Variants in KCNQ1 observed in about 807,000 individuals in gnomAD.
KCNQ1 encodes the protein potassium voltage-gated channel subfamily Q member 1, also known as potassium voltage-gated channel subfamily KQT member 1.
Under a neutral mutation model 72.4 loss-of-function variants are expected in KCNQ1, and 49 were observed. The ratio of observed to expected loss-of-function variants is 0.68; its 90% CI spans 0.54 to 0.86. The LOEUF (loss-of-function observed/expected upper bound fraction) is 0.86. KCNQ1 is among the 40% of genes least tolerant of loss of function. The probability of loss-of-function intolerance (pLI) is 0.00; values close to 1 mark genes in which losing one functional copy is unlikely to be tolerated. For missense variants in KCNQ1, 790 were observed against 945.1 expected (o/e 0.84, Z 2.15); for synonymous variants, 450 against 412.6 (o/e 1.09, Z -1.10).
At position 2,550,174 on chromosome 11, in the gene KCNQ1, G is replaced by C. The variant is rs1037258361; in HGVS notation, c.478-20454G>C. Among the ~76,000 whole-genome samples the C allele has an allele frequency of 2.9e-4, 44 of 152,232 alleles. No homozygotes were observed. The highest frequency in any genetic ancestry group is 2.4e-3 in the Admixed American group (37 of 15,286). ...CCCGGCCTGGATGGACATCCCGCAGGCAGTGCACGTCCCTCCCCCGCCTCT... is the reference window on the plus strand; with the variant it reads ...CCCGGCCTGGATGGACATCCCGCAGCCAGTGCACGTCCCTCCCCCGCCTCT... On this transcript the variant is annotated intron_variant, in intron 2 of 15. Transcript: ENST00000155840. The surrounding 1 kb of genome is among the most constrained non-coding windows in gnomAD (Gnocchi z 6.0).
At position 2,724,261 on chromosome 11, in the gene KCNQ1, G is replaced by A. The variant is rs565284410; in HGVS notation, c.1515-44583G>A. Among the ~76,000 whole-genome samples, 9 of 152,258 alleles carry A rather than the reference G, an allele frequency of 5.9e-5. No individual in the cohort carries two copies. The highest frequency in any genetic ancestry group is 7.4e-5 in the Non-Finnish European group (5 of 68,020). ...GGACCCCTTTGCGGTGTCACCTTTC[G>A]GCATGTAACCACTTATTCTGTCAGG... On this transcript the variant is annotated intron_variant, in intron 11 of 15. Coordinates refer to ENST00000155840, the MANE Select transcript of KCNQ1 (RefSeq NM_000218.3). This position sits in a 1 kb window ranked among gnomAD's most constrained non-coding sequence, Gnocchi z 6.8.
At chr11:2,519,947 G>A (rs1847352658) in intron 1 of KCNQ1, among the ~76,000 whole-genome samples, 2 of 152,218 alleles carry the variant, frequency 1.3e-5, no homozygotes, top group African/African-American at 4.8e-5. Context: ...CAACAAAGGA[G>A]GATCCGGCCA....
At position 2,588,890 on chromosome 11, in the gene KCNQ1, C is replaced by G. The variant is rs143203529; in HGVS notation, c.1393+36C>G. 22 of 1,607,668 alleles carry G rather than the reference C, an allele frequency of 1.4e-5. 1 individual carries two copies. Among genetic ancestry groups the G allele is most frequent in the South Asian group, 3.3e-5 (3 of 90,588 alleles). ...CTCAGGCAGTTGGGGGCCGCGGGGC[C>G]GGGAAGGTCACTGCCTTTTTTGGGA... On this transcript the variant is annotated intron_variant, in intron 10 of 15. Transcript: ENST00000155840. The surrounding 1 kb of genome is among the most constrained non-coding windows in gnomAD (Gnocchi z 5.6).
Position 2,791,029 on chromosome 11 carries a change from C to CA in KCNQ1, c.1794+12993dup, listed in dbSNP as rs1179042938. Among the ~76,000 whole-genome samples the CA allele has an allele frequency of 3.3e-5, 5 of 152,354 alleles. No individual in the cohort carries two copies. In the East Asian group the frequency reaches 9.7e-4, roughly 29 times the overall value. On this transcript the variant is annotated intron_variant, in intron 15 of 15. Transcript: ENST00000155840. ...TCTCTCTTAGCCTGCCTGTGGGGGACAGTTGCCACCCTCAAGCCTCTCCTG... is the reference window on the plus strand; with the variant it reads ...TCTCTCTTAGCCTGCCTGTGGGGGACAAGTTGCCACCCTCAAGCCTCTCCTG...
rs1420374300 is a variant in KCNQ1 at position 2,493,566 on chromosome 11, A to G, written c.387-34362A>G. 6.6e-6 allele frequency among the ~76,000 whole-genome samples: 1 copy of G among 152,216 alleles called. No individual in the cohort carries two copies. The highest frequency in any genetic ancestry group is 1.9e-4 in the East Asian group (1 of 5,190). Reference sequence around the variant, plus strand: ...GGGGTCCAGTTTCTGTTTTCTGCATATGACTAGCCAGTTTTCCCAGCACCA... The same window carrying G: ...GGGGTCCAGTTTCTGTTTTCTGCATGTGACTAGCCAGTTTTCCCAGCACCA... On this transcript the variant is annotated intron_variant, in intron 1 of 15. Transcript: ENST00000155840. This position sits in a 1 kb window ranked among gnomAD's most constrained non-coding sequence, Gnocchi z 5.3.
At chr11:2,504,992 A>G (rs1847079911) in intron 1 of KCNQ1, among the ~76,000 whole-genome samples, 1 of 152,034 alleles carries the variant, frequency 6.6e-6, no homozygotes, top group South Asian at 2.1e-4. Context: ...GTGTCCCAGC[A>G]AGTTTTGGTA....
chr11:2,578,851 A>G (rs1463509670), intron 6 of KCNQ1, among the ~76,000 whole-genome samples: 2 of 152,196 alleles, frequency 1.3e-5, no homozygotes, highest in Non-Finnish European at 1.5e-5. Flanking sequence ...CACAGCGGGG[A>G]ACGTGGGTCC....
At position 2,668,981 on chromosome 11, in the gene KCNQ1, G is replaced by A. The variant is rs944474690; in HGVS notation, c.1514+6900G>A. 2.8e-5 allele frequency: 11 copies of A among 398,438 alleles called. No individual in the cohort carries two copies. Among genetic ancestry groups the A allele is most frequent in the Non-Finnish European group, 4.4e-5 (10 of 226,082 alleles). 24.7% of individuals were successfully genotyped at this position (398,438 alleles called of 1,614,324 possible). ...GGATTGATTTTTGTGTCCAATGTGA[G>A]GCCGAGGTCAAGGTCCACTCTTCCC... is the stretch of plus-strand genomic sequence containing the variant. On this transcript the variant is annotated intron_variant, in intron 11 of 15. Coordinates refer to ENST00000155840, the MANE Select transcript of KCNQ1 (RefSeq NM_000218.3). The surrounding 1 kb of genome is among the most constrained non-coding windows in gnomAD (Gnocchi z 4.3).
At chr11:2,792,392 C>T (rs1847043721) in intron 15 of KCNQ1, among the ~76,000 whole-genome samples, 1 of 152,220 alleles carries the variant, frequency 6.6e-6, no homozygotes, top group African/African-American at 2.4e-5. Context: ...AGAAAACCCC[C>T]AGCACACGGT....
intron 1 of KCNQ1, among the ~76,000 whole-genome samples, chr11:2,522,287 C>T (rs1396160931): frequency 1.3e-5 from 2 of 151,822 alleles, no homozygotes; most frequent in Non-Finnish European, 2.9e-5. Context: ...GGGTCGGTGT[C>T]TTCTCTCCCC....
rs1485829251 is a variant in KCNQ1 at position 2,595,808 on chromosome 11, GC to G, written c.1393+6955del. 6.6e-6 allele frequency among the ~76,000 whole-genome samples: 1 copy of G among 152,148 alleles called. No homozygotes were observed. Among genetic ancestry groups the G allele is most frequent in the East Asian group, 1.9e-4 (1 of 5,200 alleles). ...TTATTTAAGAAATACATTTTATAAG[GC>G]TATAGCGGCCATAGATAGCGATTGC... On this transcript the variant is annotated intron_variant, in intron 10 of 15. Transcript: ENST00000155840. This position sits in a 1 kb window ranked among gnomAD's most constrained non-coding sequence, Gnocchi z 5.0.
At position 2,483,638 on chromosome 11, in the gene KCNQ1, G is replaced by A. The variant is rs911127934; in HGVS notation, c.386+38154G>A. On this transcript the variant is annotated intron_variant, in intron 1 of 15. Coordinates refer to ENST00000155840, the MANE Select transcript of KCNQ1 (RefSeq NM_000218.3). The surrounding 1 kb of genome is among the most constrained non-coding windows in gnomAD (Gnocchi z 6.1). ...GCGGCTGTTTTGTAGAACGTCCCTC[G>A]GTTTGGATTCTCTGATATGCTCTCA... Among the ~76,000 whole-genome samples the A allele has an allele frequency of 6.6e-6, 1 of 152,090 alleles. No homozygotes were observed. The highest frequency in any genetic ancestry group is 2.4e-5 in the African/African-American group (1 of 41,410).
At chr11:2,846,334 C>T (rs1412346387) in intron 15 of KCNQ1, among the ~76,000 whole-genome samples, 1 of 152,196 alleles carries the variant, frequency 6.6e-6, no homozygotes, top group Non-Finnish European at 1.5e-5. Flanking sequence ...GCCCTTATCG[C>T]GTGCTGATCT....
intron 1 of KCNQ1, among the ~76,000 whole-genome samples, chr11:2,524,101 G>A (rs948079213): frequency 2.0e-5 from 3 of 152,178 alleles, no homozygotes; most frequent in Non-Finnish European, 4.4e-5. Context: ...GGTTACCCGG[G>A]TGAGCCCTCA....
rs756175944 is a variant in KCNQ1 at position 2,712,458 on chromosome 11, G to A, written c.1514+50377G>A. ...AAGCTGTGGGGAGACTCAGAGCAGAGCCCCCAGTAATCATAGTGAGGTATT... is the reference window on the plus strand; with the variant it reads ...AAGCTGTGGGGAGACTCAGAGCAGAACCCCCAGTAATCATAGTGAGGTATT... On this transcript the variant is annotated intron_variant, in intron 11 of 15. Transcript: ENST00000155840. This position sits in a 1 kb window ranked among gnomAD's most constrained non-coding sequence, Gnocchi z 6.4. Among the ~76,000 whole-genome samples, 129 of 152,178 alleles carry A rather than the reference G, an allele frequency of 8.5e-4. No homozygotes were observed. Among genetic ancestry groups the A allele is most frequent in the Admixed American group, 1.6e-3 (25 of 15,272 alleles).
intron 2 of KCNQ1, among the ~76,000 whole-genome samples, chr11:2,558,807 C>T (rs1230645642): frequency 6.6e-6 from 1 of 152,186 alleles, no homozygotes. Flanking sequence ...GGGCAGCCTT[C>T]ATGGGGAGGC....
Position 2,663,792 on chromosome 11 carries a change from A to G in KCNQ1, c.1514+1711A>G. On this transcript the variant is annotated intron_variant, in intron 11 of 15. Coordinates refer to ENST00000155840, the MANE Select transcript of KCNQ1 (RefSeq NM_000218.3). This position sits in a 1 kb window ranked among gnomAD's most constrained non-coding sequence, Gnocchi z 5.2. ...AGCCAAACTTGCAGCTGCCCAGTAA[A>G]TCACCACTATGGGGGTGAGGGCTGC... The G allele has an allele frequency of 2.5e-6, 1 of 398,692 alleles. No homozygotes were observed. The highest frequency in any genetic ancestry group is 4.4e-6 in the Non-Finnish European group (1 of 226,128). The allele number at this position is 398,692 out of a possible 1,614,324, so 24.7% of individuals were successfully genotyped here.
In KCNQ1 at chr11:2,623,052, T is replaced by G. The variant is rs1474445701; in HGVS notation, c.1393+34198T>G. ...GGGAGGGGCCTGGTGGGGGGCAAAC[T>G]TCCCCCTTGCTGTTCTCATGATAGT... On this transcript the variant is annotated intron_variant, in intron 10 of 15. Transcript: ENST00000155840. This position sits in a 1 kb window ranked among gnomAD's most constrained non-coding sequence, Gnocchi z 5.2. 2.5e-6 allele frequency: 1 copy of G among 398,546 alleles called. No homozygotes were observed. Among genetic ancestry groups the G allele is most frequent in the Non-Finnish European group, 4.4e-6 (1 of 226,132 alleles). The allele number at this position is 398,546 out of a possible 1,614,324, so 24.7% of individuals were successfully genotyped here. A position where few individuals can be genotyped will look rare whatever the true frequency, so the allele number is the denominator to read the frequency against.
intron 15 of KCNQ1, among the ~76,000 whole-genome samples, chr11:2,800,908 G>A (rs1457792335): frequency 6.6e-6 from 1 of 152,172 alleles, no homozygotes; most frequent in African/African-American, 2.4e-5. Flanking sequence ...GGTGTGGCTG[G>A]CAGGCACTCA....
Sources: allele counts gnomAD v4.1 joint callset (sites outside exome capture counted in the v4.1 genomes callset), GRCh38; gene constraint gnomAD v4.1.1; non-coding constraint Gnocchi (gnomAD v3.1); transcripts MANE v1.5; gene names NCBI Gene and HGNC (gene_info 2026-07-23, HGNC 2026-07-21).